Variants in ARHGEF10L observed in about 807,000 individuals in gnomAD.
The protein encoded by ARHGEF10L is Rho guanine nucleotide exchange factor 10 like.
Under a neutral mutation model 141.2 loss-of-function variants are expected in ARHGEF10L, and 69 were observed. The ratio of observed to expected loss-of-function variants is 0.49; its 90% CI spans 0.40 to 0.60. ARHGEF10L has a LOEUF of 0.60. Among genes scored for constraint, ARHGEF10L ranks in the 20% least tolerant of loss-of-function variants. ARHGEF10L has a pLI of 0.00. For synonymous variants in ARHGEF10L, 711 were observed against 718.5 expected, an observed-to-expected ratio of 0.99 and a Z score of 0.17; for missense variants, 1,482 against 1,734.3, an observed-to-expected ratio of 0.85 and a Z score of 2.58.
In ARHGEF10L at chr1:17,625,820, C is replaced by T. The variant is rs1458740043; in HGVS notation, c.1318-136C>T. 1.4e-6 allele frequency: 1 copy of T among 739,020 alleles called. No homozygotes were observed. The highest frequency in any genetic ancestry group is 2.3e-6 in the Non-Finnish European group (1 of 442,170). 45.8% of individuals were successfully genotyped at this position (739,020 alleles called of 1,614,324 possible). A position where few individuals can be genotyped will look rare whatever the true frequency, so the allele number is the denominator to read the frequency against. ...GCAGAACCACGGACCTCTCTCAGCT[C>T]TTCTTGCAAGCCCAGGGATAGGCAG... On this transcript the variant is annotated intron_variant, in intron 13 of 28. Transcript: ENST00000361221. The surrounding 1 kb of genome is among the most constrained non-coding windows in gnomAD (Gnocchi z 4.5).
chr1:17,557,219 T>C (rs1294524255), intron 1 of ARHGEF10L, among the ~76,000 whole-genome samples: 9 of 151,616 alleles, frequency 5.9e-5, no homozygotes, highest in Non-Finnish European at 1.3e-4. Context: ...GGCATGCACC[T>C]GTAATCCCAG....
chr1:17,584,536 A>G (rs1198938458), intron 2 of ARHGEF10L, among the ~76,000 whole-genome samples: 1 of 152,236 alleles, frequency 6.6e-6, no homozygotes, highest in Non-Finnish European at 1.5e-5. Flanking sequence ...CAAATAGCAT[A>G]TGGCATCATA....
At chr1:17,655,469 A>ATCCG (rs2062178933) in intron 23 of ARHGEF10L, among the ~76,000 whole-genome samples, 1 of 116,418 alleles carries the variant, frequency 8.6e-6, no homozygotes, top group Admixed American at 9.3e-5. Flanking sequence ...CCATCCATCC[A>ATCCG]TCCATCCATC....
In ARHGEF10L at chr1:17,634,889, G is replaced by A. The variant is rs750524935; in HGVS notation, c.1800G>A (p.Lys600=). The change falls in exon 18 of 29, where the codon AAG becomes AAA. Residue 600 remains lysine, a synonymous_variant. Transcript: ENST00000361221. ...CCCTGGGGCCCAAGTATGTGGTGAA[G>A]TGGAACACGGCGCTGCCCCAGGTGC... ...LVPLGPKYVV[K]WNTALPQVQV... 2.5e-6 allele frequency: 4 copies of A among 1,614,122 alleles called. No individual in the cohort carries two copies. The South Asian group carries it at 4.4e-5, about 18-fold the overall frequency.
At chr1:17,637,849 G>A (rs756616347) in intron 18 of ARHGEF10L, 39 bp from the exon 19 acceptor site, 45 of 1,529,708 alleles carry the variant, frequency 2.9e-5, no homozygotes, top group Middle Eastern at 3.4e-4. Flanking sequence ...TCTTGTTAGC[G>A]CCTTCACCTG....
intron 1 of ARHGEF10L, among the ~76,000 whole-genome samples, chr1:17,565,837 G>A (rs920754457): frequency 5.3e-5 from 8 of 152,102 alleles, no homozygotes; most frequent in Non-Finnish European, 8.8e-5. Context: ...TTAAAGAGGC[G>A]GCTGTACATA....
In ARHGEF10L at chr1:17,634,823, C is replaced by T. The variant is rs565092561; in HGVS notation, c.1746-12C>T. 6 of 1,608,650 alleles carry T rather than the reference C, an allele frequency of 3.7e-6. No homozygotes were observed. The highest frequency in any genetic ancestry group is 5.1e-6 in the Non-Finnish European group (6 of 1,177,414). ...CAGCCTCTCCAGGGCCTTGTCCTCT[C>T]TGTTCCAACAGGGGCCAGCTGGAGA... On this transcript the variant is annotated splice_polypyrimidine_tract_variant and intron_variant, in intron 17 of 28. Coordinates refer to ENST00000361221, the MANE Select transcript of ARHGEF10L (RefSeq NM_018125.4).
At chr1:17,692,005 C>T (rs764738116) in intron 27 of ARHGEF10L, among the ~76,000 whole-genome samples, 33 of 152,200 alleles carry the variant, frequency 2.2e-4, no homozygotes, top group Non-Finnish European at 4.4e-4. Flanking sequence ...AAGGTCATCA[C>T]AGACCTTGAC....
chr1:17,624,643 C>G, intron 13 of ARHGEF10L, 140 bp downstream of exon 13: 3 of 704,346 alleles, frequency 4.3e-6, no homozygotes, highest in Admixed American at 2.1e-5. Flanking sequence ...TTGGGGCAGC[C>G]CAGTCCCATG....
intron 23 of ARHGEF10L, 56 bp from the exon 24 acceptor site, chr1:17,655,823 C>T: frequency 6.7e-7 from 1 of 1,495,020 alleles, no homozygotes; most frequent in South Asian, 1.3e-5. Flanking sequence ...CTGAGGTCCT[C>T]CTCTGCTCCC....
In ARHGEF10L at chr1:17,557,017, G is replaced by A. The variant is rs1317762426; in HGVS notation, c.-44+17067G>A. Among the ~76,000 whole-genome samples, 11 of 143,796 alleles carry A rather than the reference G, an allele frequency of 7.6e-5. No homozygotes were observed. In the South Asian group the frequency reaches 8.9e-4, roughly 12 times the overall value. 94.3% of individuals were successfully genotyped at this position (143,796 alleles called of 152,430 possible). On this transcript the variant is annotated intron_variant, in intron 1 of 28. Transcript: ENST00000361221. Reference sequence around the variant, plus strand: ...ACTGCCCTCCAGTTCGGACAACATAGCAAGACTCCATCTCTTAAAAAAAAA... The same window carrying A: ...ACTGCCCTCCAGTTCGGACAACATAACAAGACTCCATCTCTTAAAAAAAAA...
chr1:17,567,109 G>A (rs992089456), intron 1 of ARHGEF10L, among the ~76,000 whole-genome samples: 2 of 152,228 alleles, frequency 1.3e-5, no homozygotes, highest in Non-Finnish European at 2.9e-5. Flanking sequence ...GGACGACCTT[G>A]GATAGACCTG....
intron 26 of ARHGEF10L, among the ~76,000 whole-genome samples, chr1:17,685,862 AG>A (rs538745800): frequency 2.9e-4 from 44 of 152,254 alleles, no homozygotes; most frequent in Non-Finnish European, 5.6e-4. Context: ...ATTTAATAGC[AG>A]GTTGGATCTC....
At chr1:17,561,609 C>T (rs1254091360) in intron 1 of ARHGEF10L, among the ~76,000 whole-genome samples, 4 of 152,216 alleles carry the variant, frequency 2.6e-5, no homozygotes, top group South Asian at 2.1e-4. Flanking sequence ...GAGGCCCACC[C>T]GATCCCGATG....
intron 7 of ARHGEF10L, among the ~76,000 whole-genome samples, chr1:17,608,193 C>T (rs957580064): frequency 9.8e-5 from 15 of 152,332 alleles, no homozygotes; most frequent in African/African-American, 2.9e-4. Context: ...GCCCTAAGCC[C>T]GGGATGGGCA....
intron 15 of ARHGEF10L, among the ~76,000 whole-genome samples, chr1:17,629,157 A>G (rs1217437901): frequency 6.6e-6 from 1 of 151,736 alleles, no homozygotes; most frequent in African/African-American, 2.4e-5. Flanking sequence ...AGTAGCTGGG[A>G]CTACAAGCAC....
intron 22 of ARHGEF10L, among the ~76,000 whole-genome samples, chr1:17,650,975 C>A (rs547519228): frequency 1.3e-5 from 2 of 152,112 alleles, no homozygotes; most frequent in Non-Finnish European, 2.9e-5. Context: ...GTGGTTTGGC[C>A]GCTCTTTTTG....
Position 17,623,008 on chromosome 1 carries a change from CCCCTGATGGA to C in ARHGEF10L, c.1034_1043del (p.Pro345ArgfsTer7). The C allele has an allele frequency of 6.2e-7, 1 of 1,613,112 alleles. No individual in the cohort carries two copies. Among genetic ancestry groups the C allele is most frequent in the Non-Finnish European group, 8.5e-7 (1 of 1,179,808 alleles). On this transcript the variant is annotated frameshift_variant, in exon 12 of 29. Coordinates refer to ENST00000361221, the MANE Select transcript of ARHGEF10L (RefSeq NM_018125.4). LOFTEE classifies it high-confidence loss of function. The surrounding 1 kb of genome is among the most constrained non-coding windows in gnomAD (Gnocchi z 4.7). ...CCCTCCCCGGCAGGACTACCGCAACCCCCTGATGGAGATGGAGCCCAAGGCGCTGAGCGCC... is the reference window on the plus strand; with the variant it reads ...CCCTCCCCGGCAGGACTACCGCAACCGATGGAGCCCAAGGCGCTGAGCGCC...
In ARHGEF10L at chr1:17,602,185, C is replaced by A. The variant is rs148018653; in HGVS notation, c.316C>A (p.His106Asn). ...GGACGCAGCCTTCTCCGGGGCCCGGCACTCCAGCTGGAAGCGGAAGAGTTC... is the reference window on the plus strand; with the variant it reads ...GGACGCAGCCTTCTCCGGGGCCCGGAACTCCAGCTGGAAGCGGAAGAGTTC... ...AADAAFSGARHSSWKRKSSRR... is the reference protein window; with the variant it reads ...AADAAFSGARNSSWKRKSSRR... The change falls in exon 5 of 29, where the codon CAC (histidine) becomes AAC (asparagine). Residue 106 changes from histidine (H) to asparagine (N), a missense_variant. Coordinates refer to ENST00000361221, the MANE Select transcript of ARHGEF10L (RefSeq NM_018125.4). 1.1e-5 allele frequency: 18 copies of A among 1,581,496 alleles called. No homozygotes were observed. The highest frequency in any genetic ancestry group is 1.5e-5 in the Non-Finnish European group (17 of 1,163,762).
Sources: allele counts gnomAD v4.1 joint callset (sites outside exome capture counted in the v4.1 genomes callset), GRCh38; gene constraint gnomAD v4.1.1; non-coding constraint Gnocchi (gnomAD v3.1); transcripts MANE v1.5; gene names NCBI Gene and HGNC (gene_info 2026-07-23, HGNC 2026-07-21).